Variants in LIMS1 observed in about 807,000 individuals in gnomAD.
LIMS1 encodes the protein LIM and senescent cell antigen-like-containing domain protein 1.
Under a neutral mutation model 44.1 loss-of-function variants are expected in LIMS1, and 18 were observed. The ratio of observed to expected loss-of-function variants is 0.41; its 90% CI spans 0.28 to 0.61. The LOEUF (loss-of-function observed/expected upper bound fraction) is 0.61. Among genes scored for constraint, LIMS1 ranks in the 20% least tolerant of loss-of-function variants. The probability of loss-of-function intolerance (pLI) is 0.32; values close to 1 mark genes in which losing one functional copy is unlikely to be tolerated. For missense variants in LIMS1, 201 were observed against 422.0 expected (o/e 0.48, Z 4.59); for synonymous variants, 93 against 149.1 (o/e 0.62, Z 2.74).
At chr2:108,559,436 T>G (rs1037591164) in intron 1 of LIMS1, among the ~76,000 whole-genome samples, 4 of 152,216 alleles carry the variant, frequency 2.6e-5, no homozygotes, top group Admixed American at 2.6e-4. Context: ...ATTACTTATG[T>G]TCCATAAGGA....
chr2:108,557,705 G>T (rs1474666308), intron 1 of LIMS1, among the ~76,000 whole-genome samples: 2 of 151,942 alleles, frequency 1.3e-5, no homozygotes, highest in South Asian at 2.1e-4. Flanking sequence ...TGATAGAGAT[G>T]GGGTTTCACC....
chr2:108,580,117 G>A (rs1432567425), intron 1 of LIMS1, among the ~76,000 whole-genome samples: 1 of 152,140 alleles, frequency 6.6e-6, no homozygotes, highest in African/African-American at 2.4e-5. Flanking sequence ...AAAATACTGG[G>A]GTTGCTCCCA....
rs771325535 is a variant in LIMS1 at position 108,611,854 on chromosome 2, T to TATATATATATATATATAC, written c.33-47750_33-47749insTATATATATATATATACA. 3.2e-5 allele frequency among the ~76,000 whole-genome samples: 4 copies of TATATATATATATATATAC among 125,246 alleles called. No homozygotes were observed. The East Asian group carries it at 7.0e-4, about 22-fold the overall frequency. The allele number at this position is 125,246 out of a possible 152,430, so 82.2% of individuals were successfully genotyped here. On this transcript the variant is annotated intron_variant, in intron 1 of 9. Transcript: ENST00000544547. ...GATCTAAAATATATATATATATATA[T>TATATATATATATATATAC]ACACACATATATATACACATATATA...
At chr2:108,681,353 G>A (rs1692981332) in intron 9 of LIMS1, 22 of 984,444 alleles carry the variant, frequency 2.2e-5, no homozygotes, top group Non-Finnish European at 2.5e-5. Context: ...ATACAGTTTT[G>A]TGGTCATGTA....
chr2:108,534,947 G>A (rs1684075597), intron 1 of LIMS1, among the ~76,000 whole-genome samples: 1 of 152,224 alleles, frequency 6.6e-6, no homozygotes, highest in Non-Finnish European at 1.5e-5. Context: ...ACCCCTCTTG[G>A]GACTAGAGGA....
At chr2:108,681,431 T>G in intron 9 of LIMS1, 6 of 975,336 alleles carry the variant, frequency 6.2e-6, no homozygotes, top group Non-Finnish European at 7.3e-6. Context: ...TTCTTTCTTT[T>G]TTTTTTAATG....
At chr2:108,553,749 A>C (rs894557255) in intron 1 of LIMS1, among the ~76,000 whole-genome samples, 1 of 152,204 alleles carries the variant, frequency 6.6e-6, no homozygotes, top group Non-Finnish European at 1.5e-5. Context: ...GTACACCCCC[A>C]GAACTGCTGT....
At position 108,563,773 on chromosome 2, in the gene LIMS1, C is replaced by G. The variant is rs189908582; in HGVS notation, c.32+29179C>G. The stretch of plus-strand genomic sequence containing the variant: ...AGAATTGACTTCAATTTCGAATGTT[C>G]TAGTGGCCAGGCGCATAGCTCATGC... On this transcript the variant is annotated intron_variant, in intron 1 of 9. Coordinates refer to ENST00000544547, the Ensembl canonical transcript of LIMS1. Among the ~76,000 whole-genome samples the G allele has an allele frequency of 1.6e-3, 241 of 152,148 alleles. 1 individual carries two copies. Among genetic ancestry groups the G allele is most frequent in the Non-Finnish European group, 2.7e-3 (185 of 67,980 alleles).
intron 1 of LIMS1, among the ~76,000 whole-genome samples, chr2:108,622,763 C>G (rs1688324160): frequency 6.6e-6 from 1 of 152,046 alleles, no homozygotes; most frequent in South Asian, 2.1e-4. Flanking sequence ...TACAATGGAT[C>G]CAAGAGTGAA....
intron 1 of LIMS1, among the ~76,000 whole-genome samples, chr2:108,644,476 G>C (rs1318428064): frequency 2.0e-5 from 3 of 152,104 alleles, no homozygotes; most frequent in African/African-American, 7.2e-5. Context: ...CGTCCACTCA[G>C]AGACCCCATC....
intron 1 of LIMS1, among the ~76,000 whole-genome samples, chr2:108,617,378 C>G (rs1425182618): frequency 1.3e-5 from 2 of 152,166 alleles, no homozygotes; most frequent in African/African-American, 4.8e-5. Flanking sequence ...TACTGTTCAA[C>G]TCCACAAATA....
At chr2:108,536,391 T>TA (rs1403262577) in intron 1 of LIMS1, among the ~76,000 whole-genome samples, 1 of 152,238 alleles carries the variant, frequency 6.6e-6, no homozygotes, top group East Asian at 1.9e-4. Flanking sequence ...CTACTGCTGG[T>TA]ACCTCATATC....
intron 1 of LIMS1, among the ~76,000 whole-genome samples, chr2:108,643,178 C>T (rs981363218): frequency 2.6e-5 from 4 of 152,290 alleles, no homozygotes; most frequent in Admixed American, 2.6e-4. Context: ...GAGTATAGAA[C>T]CTCTTAAGAA....
At chr2:108,614,846 C>T (rs1687845310) in intron 1 of LIMS1, among the ~76,000 whole-genome samples, 2 of 152,106 alleles carry the variant, frequency 1.3e-5, no homozygotes, top group African/African-American at 4.8e-5. Context: ...TGAACCTATA[C>T]TGGGGTGGGG....
intron 2 of LIMS1, among the ~76,000 whole-genome samples, chr2:108,666,931 A>G (rs993242075): frequency 4.6e-5 from 7 of 152,252 alleles, no homozygotes; most frequent in African/African-American, 1.7e-4. Context: ...CCTCTGGGAA[A>G]CTACACTGTG....
chr2:108,601,042 T>C (rs1469424690), intron 1 of LIMS1, among the ~76,000 whole-genome samples: 1 of 152,086 alleles, frequency 6.6e-6, no homozygotes, highest in Non-Finnish European at 1.5e-5. Flanking sequence ...CAAGCGATTC[T>C]CCTGCCTCAA....
At chr2:108,637,099 A>ATGTGTGTGTGTGTGTGTG (rs74315160) in intron 1 of LIMS1, among the ~76,000 whole-genome samples, 2 of 98,528 alleles carry the variant, frequency 2.0e-5, no homozygotes, top group Admixed American at 1.2e-4. Flanking sequence ...ATATACATAT[A>ATGTGTGTGTGTGTGTGTG]TGTGTGTGTG....
Position 108,680,541 on chromosome 2 carries a change from A to T in LIMS1, c.824-154A>T, listed in dbSNP as rs1183342282. ...TATAGAGCAAGACCCTGTCTCATTT[A>T]AAAAAAAAAAAAAAAAAAAAAAAGG... On this transcript the variant is annotated intron_variant, in intron 8 of 9. Transcript: ENST00000544547. Among the ~76,000 whole-genome samples, 745 of 88,820 alleles carry T rather than the reference A, an allele frequency of 8.4e-3. 11 individuals carry two copies. The highest frequency in any genetic ancestry group is 0.027 in the African/African-American group (703 of 25,618). The allele number at this position is 88,820 out of a possible 152,430, so 58.3% of individuals were successfully genotyped here.
At chr2:108,617,934 C>T (rs922169129) in intron 1 of LIMS1, among the ~76,000 whole-genome samples, 25 of 152,278 alleles carry the variant, frequency 1.6e-4, no homozygotes, top group African/African-American at 5.5e-4. Context: ...GTAATTAGGG[C>T]CAGACCAATT....
Sources: allele counts gnomAD v4.1 joint callset (sites outside exome capture counted in the v4.1 genomes callset), GRCh38; gene constraint gnomAD v4.1.1; transcripts MANE v1.5; gene names NCBI Gene and HGNC (gene_info 2026-07-23, HGNC 2026-07-21).